MARCHF8: variants seen among roughly 807,000 people sequenced by gnomAD.
MARCHF8 encodes membrane associated ring-CH-type finger 8, also known as E3 ubiquitin-protein ligase MARCHF8.
Under a neutral mutation model 51.6 loss-of-function variants are expected in MARCHF8, and 40 were observed. The observed-to-expected ratio is 0.77, with a 90% confidence interval of 0.60 to 1.01. The LOEUF is 1.01. Ranked by LOEUF, MARCHF8 falls within the 50% of genes least tolerant of loss-of-function variation. The pLI is 0.00. For missense variants in MARCHF8, 685 were observed against 708.6 expected (o/e 0.97, Z 0.38); for synonymous variants, 263 against 280.3 (o/e 0.94, Z 0.62).
chr10:45,478,599 T>A (rs2042828533), intron 3 of MARCHF8, among the ~76,000 whole-genome samples: 2 of 147,328 alleles, frequency 1.4e-5, no homozygotes, highest in Non-Finnish European at 1.5e-5. Context: ...AAACAAAAAA[T>A]TAATTTTTTG....
chr10:45,526,000 G>C (rs543114216), intron 2 of MARCHF8, among the ~76,000 whole-genome samples: 1 of 152,082 alleles, frequency 6.6e-6, no homozygotes, highest in African/African-American at 2.4e-5. Context: ...TAAAAAGTAG[G>C]GAAATCTGAA....
chr10:45,490,447 G>A lies in MARCHF8; in HGVS notation c.103-1030C>T, dbSNP rs1266779220. ...AAAAGACAATGTGAACACAGAGGGA[G>A]AAGATGGCCATCTACAAGCCAAGGA... On this transcript the variant is annotated intron_variant, in intron 2 of 7. Transcript: ENST00000453424. Among the ~76,000 whole-genome samples the A allele has an allele frequency of 2.6e-5, 4 of 152,106 alleles. No homozygotes were observed. In the East Asian group the frequency reaches 7.7e-4, roughly 29 times the overall value.
chr10:45,516,250 T>C (rs1480181952), intron 2 of MARCHF8, among the ~76,000 whole-genome samples: 1 of 152,204 alleles, frequency 6.6e-6, no homozygotes, highest in Non-Finnish European at 1.5e-5. Context: ...CTTCTTGTCT[T>C]CTCTACTTCA....
At chr10:45,519,488 A>C (rs1170425547) in intron 2 of MARCHF8, among the ~76,000 whole-genome samples, 9 of 152,212 alleles carry the variant, frequency 5.9e-5, no homozygotes, top group Admixed American at 5.9e-4. Flanking sequence ...CAGAGAGGAA[A>C]TATTTTATGC....
intron 6 of MARCHF8, chr10:45,459,819 C>G: frequency 1.0e-6 from 1 of 985,404 alleles, no homozygotes; most frequent in Non-Finnish European, 1.2e-6. Flanking sequence ...TCTGCTAGTC[C>G]CATCTCCTCT....
intron 1 of MARCHF8, 150 bp downstream of exon 1, chr10:45,535,061 G>A (rs1487767841): frequency 1.3e-5 from 2 of 152,172 alleles, no homozygotes; most frequent in African/African-American, 4.8e-5. Context: ...AAGGAAAATA[G>A]AATAGGGGAT....
intron 2 of MARCHF8, among the ~76,000 whole-genome samples, chr10:45,513,355 A>T (rs1389183991): frequency 1.3e-5 from 2 of 152,150 alleles, no homozygotes; most frequent in South Asian, 4.1e-4. Flanking sequence ...TCATTCAGAA[A>T]CACGTTTATT....
intron 3 of MARCHF8, among the ~76,000 whole-genome samples, chr10:45,465,944 T>C (rs1842951952): frequency 6.6e-6 from 1 of 152,204 alleles, no homozygotes; most frequent in African/African-American, 2.4e-5. Flanking sequence ...CATCACTACC[T>C]TTGTCAATAT....
rs1282561477 is a variant in MARCHF8 at position 45,455,906 on chromosome 10, G to A, written c.*2333C>T. On this transcript the variant is annotated 3_prime_UTR_variant, in exon 8 of 8. Coordinates refer to ENST00000453424, the MANE Select transcript of MARCHF8 (RefSeq NM_001282866.2). Reference sequence around the variant, plus strand: ...TCTGGCTGGGCATGGGAGGGATACAGGGCTCAGTTATCAAGGCACCTTTGC... The same window carrying A: ...TCTGGCTGGGCATGGGAGGGATACAAGGCTCAGTTATCAAGGCACCTTTGC... The A allele has an allele frequency of 6.6e-6, 1 of 152,360 alleles. No individual in the cohort carries two copies. The highest frequency in any genetic ancestry group is 2.4e-5 in the African/African-American group (1 of 41,466). The allele number at this position is 152,360 out of a possible 1,614,324, so 9.4% of individuals were successfully genotyped here.
intron 2 of MARCHF8, among the ~76,000 whole-genome samples, chr10:45,514,434 T>C (rs1425890645): frequency 8.5e-5 from 13 of 152,272 alleles, no homozygotes; most frequent in Admixed American, 6.5e-5. Context: ...AGGCGCTGCC[T>C]GCACAGCAGC....
intron 2 of MARCHF8, among the ~76,000 whole-genome samples, chr10:45,512,396 C>CG (rs1194324882): frequency 7.1e-6 from 1 of 141,172 alleles, no homozygotes; most frequent in Non-Finnish European, 1.5e-5. Context: ...GGAGGGAGGT[C>CG]GGGGGGTCAG....
chr10:45,484,425 G>A (rs896652938), intron 3 of MARCHF8, among the ~76,000 whole-genome samples: 1 of 152,182 alleles, frequency 6.6e-6, no homozygotes, highest in African/African-American at 2.4e-5. Flanking sequence ...TTTCATGGGG[G>A]CTGCATTCCA....
intron 1 of MARCHF8, among the ~76,000 whole-genome samples, chr10:45,558,429 T>C (rs1037030766): frequency 1.3e-5 from 2 of 152,234 alleles, no homozygotes; most frequent in African/African-American, 4.8e-5. Context: ...TGGTATTGTG[T>C]GATTTGTTCT....
intron 2 of MARCHF8, among the ~76,000 whole-genome samples, chr10:45,527,752 G>A (rs373668124): frequency 5.3e-5 from 8 of 152,078 alleles, no homozygotes; most frequent in African/African-American, 1.2e-4. Flanking sequence ...CTCTCTAACT[G>A]AAGCCAGTAT....
At chr10:45,536,851 A>G (rs1435585529), upstream of MARCHF8, among the ~76,000 whole-genome samples, 1 of 144,212 alleles carries the variant, frequency 6.9e-6, no homozygotes, top group African/African-American at 2.6e-5. Flanking sequence ...TAATAATAAT[A>G]ATAATAATAA....
At chr10:45,505,963 C>A (rs1308917397) in intron 2 of MARCHF8, among the ~76,000 whole-genome samples, 2 of 152,152 alleles carry the variant, frequency 1.3e-5, no homozygotes, top group African/African-American at 4.8e-5. Flanking sequence ...CTTTCCGCAT[C>A]TGCGTGTCTA....
At position 45,458,056 on chromosome 10, in the gene MARCHF8, C is replaced by CA; in HGVS notation, c.*182dup. The stretch of plus-strand genomic sequence containing the variant: ...CTGCCAGGCAGAGGCAGGACCCAGG[C>CA]ATGCCTGGCCCACAGGAAGGTTTTC... On this transcript the variant is annotated 3_prime_UTR_variant, in exon 8 of 8. Transcript: ENST00000453424. 1 of 624,932 alleles carries CA rather than the reference C, an allele frequency of 1.6e-6. No homozygotes were observed. The highest frequency in any genetic ancestry group is 2.7e-6 in the Non-Finnish European group (1 of 375,754). The allele number at this position is 624,932 out of a possible 1,614,324, so 38.7% of individuals were successfully genotyped here.
At chr10:45,505,428 T>C (rs1007763048) in intron 2 of MARCHF8, among the ~76,000 whole-genome samples, 3 of 152,234 alleles carry the variant, frequency 2.0e-5, no homozygotes, top group African/African-American at 2.4e-5. Flanking sequence ...CAAATTCTGT[T>C]ACAGTTAAGT....
At chr10:45,511,376 G>GCCCTCT (rs111486746) in intron 2 of MARCHF8, among the ~76,000 whole-genome samples, 30 of 151,992 alleles carry the variant, frequency 2.0e-4, no homozygotes, top group Middle Eastern at 3.4e-3. Context: ...ATAACACTGT[G>GCCCTCT]CCCTCTCCCT....
Sources: allele counts gnomAD v4.1 joint callset (sites outside exome capture counted in the v4.1 genomes callset), GRCh38; gene constraint gnomAD v4.1.1; transcripts MANE v1.5; gene names NCBI Gene and HGNC (gene_info 2026-07-23, HGNC 2026-07-21).